The following SAMD13 variants were observed in gnomAD, a reference collection of about 807,000 sequenced individuals.
SAMD13 encodes sterile alpha motif domain containing 13, also known as sterile alpha motif domain-containing protein 13.
In SAMD13, 9 loss-of-function variants were observed where a neutral mutation model predicts 12.4. The observed-to-expected ratio is 0.72, with a 90% CI of 0.44 to 1.26. SAMD13 has a LOEUF of 1.26. Ranked by LOEUF, SAMD13 falls within the 50% of genes most tolerant of loss-of-function variation. The pLI, the probability that SAMD13 is intolerant of heterozygous loss-of-function variation, is 0.00. For synonymous variants in SAMD13, 46 were observed against 45.4 expected (o/e 1.01, Z -0.05); for missense variants, 84 against 119.6 (o/e 0.70, Z 1.39).
In SAMD13 at chr1:84,349,907, A is replaced by G. The variant is rs1679612438; in HGVS notation, c.*133A>G. The G allele has an allele frequency of 1.6e-5, 22 of 1,406,914 alleles. No homozygotes were observed. The highest frequency in any genetic ancestry group is 1.9e-5 in the Non-Finnish European group (21 of 1,082,092). The allele number at this position is 1,406,914 out of a possible 1,614,324, so 87.2% of individuals were successfully genotyped here. On this transcript the variant is annotated 3_prime_UTR_variant, in exon 4 of 4. Transcript: ENST00000394834. ...TTTCAATCAAATGAAACGTTATCCT[A>G]TTGGATAGACTAGGCAATTCATCAG...
chr1:84,320,528 A>C (rs573157832), intron 2 of SAMD13, among the ~76,000 whole-genome samples: 20 of 152,338 alleles, frequency 1.3e-4, no homozygotes, highest in African/African-American at 4.8e-4. Flanking sequence ...GGGAGAAAGG[A>C]ACGGAAATAA....
At chr1:84,317,709 T>A (rs1366522850) in intron 2 of SAMD13, among the ~76,000 whole-genome samples, 4 of 152,038 alleles carry the variant, frequency 2.6e-5, no homozygotes, top group Non-Finnish European at 1.5e-5. Flanking sequence ...ACTGACCTCA[T>A]AAAAAAAGTT....
At chr1:84,317,094 G>T (rs924978251) in intron 2 of SAMD13, among the ~76,000 whole-genome samples, 1 of 151,954 alleles carries the variant, frequency 6.6e-6, no homozygotes, top group African/African-American at 2.4e-5. Flanking sequence ...ATTCTCACAG[G>T]TTTTTTTGTG....
chr1:84,298,565 G>A (rs761790220), upstream of SAMD13: 1 of 1,280,674 alleles, frequency 7.8e-7, no homozygotes, highest in Non-Finnish European at 9.9e-7. Context: ...GCCATGCGGG[G>A]AGGTAAGTGA....
At chr1:84,328,679 T>A (rs1055509824) in intron 3 of SAMD13, among the ~76,000 whole-genome samples, 3 of 152,122 alleles carry the variant, frequency 2.0e-5, no homozygotes, top group Non-Finnish European at 4.4e-5. Context: ...CATCAGCATT[T>A]TACCTCTGGA....
upstream of SAMD13, among the ~76,000 whole-genome samples, chr1:84,299,137 G>A (rs1244754985): frequency 6.6e-6 from 1 of 151,976 alleles, no homozygotes; most frequent in African/African-American, 2.4e-5. Context: ...CCCTGCCCTC[G>A]GGCGACTTCA....
chr1:84,303,573 A>G (rs1288491026), intron 2 of SAMD13: 2 of 243,470 alleles, frequency 8.2e-6, no homozygotes, highest in Middle Eastern at 1.5e-3. Flanking sequence ...TGTATATTGA[A>G]ACAAAAACTC....
intron 2 of SAMD13, among the ~76,000 whole-genome samples, chr1:84,322,836 A>G (rs943151527): frequency 2.0e-5 from 3 of 152,184 alleles, no homozygotes; most frequent in African/African-American, 7.2e-5. Context: ...TGGCATTGCT[A>G]TACTCAAGAA....
chr1:84,327,097 A>G (rs1679075949), intron 3 of SAMD13, among the ~76,000 whole-genome samples: 1 of 152,176 alleles, frequency 6.6e-6, no homozygotes, highest in Non-Finnish European at 1.5e-5. Context: ...GTATTTACCC[A>G]AGGGAAATGA....
chr1:84,332,103 A>G (rs1402093697), intron 3 of SAMD13, among the ~76,000 whole-genome samples: 2 of 152,138 alleles, frequency 1.3e-5, no homozygotes, highest in African/African-American at 4.8e-5. Flanking sequence ...CATGGTGTAT[A>G]TGTGCCATAT....
chr1:84,342,916 G>A lies in SAMD13; in HGVS notation c.166-6715G>A, dbSNP rs537729505. Among the ~76,000 whole-genome samples the A allele has an allele frequency of 5.9e-5, 9 of 151,648 alleles. No homozygotes were observed. The East Asian group carries it at 9.7e-4, about 16-fold the overall frequency. On this transcript the variant is annotated intron_variant, in intron 3 of 3. Transcript: ENST00000394834. ...AAAGAAACTATCATCAGAGTGAACA[G>A]GTAACCTATAGCGTGGGAGAAAAAT...
intron 2 of SAMD13, among the ~76,000 whole-genome samples, chr1:84,307,250 GT>G (rs1678600136): frequency 6.6e-6 from 1 of 152,012 alleles, no homozygotes; most frequent in South Asian, 2.1e-4. Flanking sequence ...TCTGTGTTTC[GT>G]TTTTGATAGC....
chr1:84,323,333 C>G (rs540789020), intron 2 of SAMD13, among the ~76,000 whole-genome samples: 1 of 152,108 alleles, frequency 6.6e-6, no homozygotes, highest in East Asian at 1.9e-4. Context: ...TTTAAAAACA[C>G]ATAGTTAATA....
chr1:84,328,815 G>T (rs1340430717), intron 3 of SAMD13, among the ~76,000 whole-genome samples: 1 of 152,234 alleles, frequency 6.6e-6, no homozygotes, highest in Middle Eastern at 3.4e-3. Flanking sequence ...AGGTCACAGC[G>T]CTGAGAAACA....
chr1:84,338,432 CTTTTTTTTTTT>C (rs201864672), intron 3 of SAMD13, among the ~76,000 whole-genome samples: 3 of 100,698 alleles, frequency 3.0e-5, no homozygotes, highest in African/African-American at 3.9e-5. Flanking sequence ...ACTCATCTCT[CTTTTTTTTTTT>C]TTTTTTTTTT....
chr1:84,299,657 G>GTATATA (rs143143145), upstream of SAMD13: 122,017 of 661,996 alleles, frequency 0.18, 6,822 homozygotes, highest in East Asian at 0.33. Context: ...GAGTACTAGT[G>GTATATA]TATATATATA....
At position 84,320,407 on chromosome 1, in the gene SAMD13, T is replaced by G. The variant is rs77635836; in HGVS notation, c.54-5230T>G. 2.2e-3 allele frequency among the ~76,000 whole-genome samples: 334 copies of G among 152,362 alleles called. 10 individuals carry two copies. In the East Asian group the frequency reaches 0.06, roughly 27 times the overall value. ...TGCAGCTAAGTCAGTCAACTCTTAT[T>G]TATCTGAATATTTAAAAATGAAAAA... is the stretch of plus-strand genomic sequence containing the variant. On this transcript the variant is annotated intron_variant, in intron 2 of 3. Transcript: ENST00000394834.
rs76848647 is a variant in SAMD13, at chr1:84,325,709, C to G, written c.126C>G (p.Thr42=). Residue 42 remains threonine, a synonymous_variant, in exon 3 of 4, where the codon ACC becomes ACG. Coordinates refer to ENST00000394834, the MANE Select transcript of SAMD13 (RefSeq NM_001134663.2). ...TGGATGTCGTCAATTATTTCCGAAC[C>G]GTGGGATTTGAGGAGCAAGCTAGTG... ...AVMDVVNYFR[T]VGFEEQASAF... is the part of the protein sequence containing the mutation. 13 of 1,613,272 alleles carry G rather than the reference C, an allele frequency of 8.1e-6. No homozygotes were observed. In the South Asian group the frequency reaches 1.2e-4, roughly 15 times the overall value.
At chr1:84,315,020 TTC>T (rs1017257549) in intron 2 of SAMD13, among the ~76,000 whole-genome samples, 1 of 149,006 alleles carries the variant, frequency 6.7e-6, no homozygotes, top group South Asian at 2.2e-4. Flanking sequence ...CTCTCTTTCT[TTC>T]TCTTTCTTTC....
Sources: allele counts gnomAD v4.1 joint callset (sites outside exome capture counted in the v4.1 genomes callset), GRCh38; gene constraint gnomAD v4.1.1; transcripts MANE v1.5; gene names NCBI Gene and HGNC (gene_info 2026-07-23, HGNC 2026-07-21).